COX5A: variants seen among roughly 807,000 people sequenced by gnomAD.
COX5A encodes cytochrome c oxidase subunit 5A, mitochondrial.
COX5A carries 6 observed loss-of-function variants against 16.1 expected under a neutral mutation model. The ratio of observed to expected loss-of-function variants is 0.37; its 90% confidence interval spans 0.20 to 0.73. The LOEUF is 0.73. Among genes scored for constraint, COX5A ranks in the 30% least tolerant of loss-of-function variants. The probability of loss-of-function intolerance (pLI) is 0.50; values close to 1 mark genes in which losing one functional copy is unlikely to be tolerated. For missense variants in COX5A, 159 were observed against 194.9 expected, an observed-to-expected ratio of 0.82 and a Z score of 1.10; for synonymous variants, 73 against 73.8, an observed-to-expected ratio of 0.99 and a Z score of 0.06.
chr15:74,921,345 T>C (rs902918337), intron 4 of COX5A, among the ~76,000 whole-genome samples: 1 of 142,874 alleles, frequency 7.0e-6, no homozygotes, highest in African/African-American at 2.6e-5. Context: ...AAAACGGAGC[T>C]TGCAGTGAGC....
chr15:74,936,495 C>G (rs1050649254), intron 1 of COX5A, among the ~76,000 whole-genome samples: 1 of 151,976 alleles, frequency 6.6e-6, no homozygotes, highest in African/African-American at 2.4e-5. Context: ...CAAGCCCAGC[C>G]TGGGCAACAT....
intron 1 of COX5A, among the ~76,000 whole-genome samples, chr15:74,932,539 T>C (rs2141274012): frequency 6.6e-6 from 1 of 152,170 alleles, no homozygotes; most frequent in Middle Eastern, 3.4e-3. Flanking sequence ...ACATTAGTAA[T>C]ATCCTATATA....
chr15:74,933,640 A>T (rs2141274443), intron 1 of COX5A, among the ~76,000 whole-genome samples: 1 of 152,340 alleles, frequency 6.6e-6, no homozygotes, highest in East Asian at 1.9e-4. Context: ...AAGTGCAAGT[A>T]TAAAATGATA....
At chr15:74,937,112 T>TGGAC (rs2065394453) in intron 1 of COX5A, among the ~76,000 whole-genome samples, 1 of 152,030 alleles carries the variant, frequency 6.6e-6, no homozygotes, top group African/African-American at 2.4e-5. Flanking sequence ...TCTATGGTGG[T>TGGAC]GGACTCAAAA....
intron 1 of COX5A, among the ~76,000 whole-genome samples, chr15:74,932,936 T>G (rs1302725040): frequency 6.6e-6 from 1 of 151,702 alleles, no homozygotes; most frequent in Non-Finnish European, 1.5e-5. Flanking sequence ...GACCTCATGA[T>G]CTGCCTGCCT....
At chr15:74,931,337 C>T (rs1023881276) in intron 1 of COX5A, among the ~76,000 whole-genome samples, 10 of 151,794 alleles carry the variant, frequency 6.6e-5, no homozygotes, top group Admixed American at 3.9e-4. Context: ...TCCGTCTCTA[C>T]TAAAAATACA....
intron 4 of COX5A, 142 bp downstream of exon 4, chr15:74,923,506 T>C: frequency 1.9e-6 from 1 of 528,956 alleles, no homozygotes; most frequent in South Asian, 3.0e-5. Flanking sequence ...TTACCATTAC[T>C]GGTATTCTCA....
intron 1 of COX5A, among the ~76,000 whole-genome samples, chr15:74,935,217 C>T (rs2065383701): frequency 6.6e-6 from 1 of 151,948 alleles, no homozygotes; most frequent in Admixed American, 6.6e-5. Flanking sequence ...ATGGCTTGAG[C>T]CCAGGAGGTT....
intron 3 of COX5A, among the ~76,000 whole-genome samples, chr15:74,924,323 G>A (rs2065334167): frequency 6.6e-6 from 1 of 152,030 alleles, no homozygotes; most frequent in Admixed American, 6.6e-5. Context: ...TGGATCACAA[G>A]GTCAGGAGTT....
At chr15:74,927,491 T>A (rs1445421189) in intron 2 of COX5A, among the ~76,000 whole-genome samples, 1 of 152,028 alleles carries the variant, frequency 6.6e-6, no homozygotes. Context: ...TCTTTAACTC[T>A]TAGTACAATG....
At chr15:74,926,711 C>T in intron 3 of COX5A, 55 bp downstream of exon 3, 1 of 1,549,278 alleles carries the variant, frequency 6.5e-7, no homozygotes, top group East Asian at 2.3e-5. Context: ...ATTCTGATAC[C>T]TCAGCAATAG....
chr15:74,930,458 A>C (rs1306134996), intron 1 of COX5A, among the ~76,000 whole-genome samples: 10 of 107,834 alleles, frequency 9.3e-5, no homozygotes, highest in Non-Finnish European at 1.5e-4. Flanking sequence ...AACAAAAAAA[A>C]CCAAAAAAGC....
intron 1 of COX5A, among the ~76,000 whole-genome samples, chr15:74,935,010 C>T (rs1298554729): frequency 6.6e-6 from 1 of 152,184 alleles, no homozygotes; most frequent in African/African-American, 2.4e-5. Flanking sequence ...AATAAAAGGG[C>T]TCATTGATCC....
intron 1 of COX5A, among the ~76,000 whole-genome samples, chr15:74,931,607 G>A (rs146771513): frequency 0.012 from 1,665 of 142,264 alleles, 27 homozygotes; most frequent in Middle Eastern, 0.036. Context: ...AGGCTGAAAT[G>A]CAGTGGAACA....
At chr15:74,930,444 C>A (rs1354877988) in intron 1 of COX5A, among the ~76,000 whole-genome samples, 7 of 132,868 alleles carry the variant, frequency 5.3e-5, no homozygotes, top group Admixed American at 7.9e-5. Flanking sequence ...CAATAAACAA[C>A]AACAACAAAA....
intron 1 of COX5A, among the ~76,000 whole-genome samples, chr15:74,936,015 G>A (rs2065388318): frequency 6.6e-6 from 1 of 152,064 alleles, no homozygotes; most frequent in African/African-American, 2.4e-5. Context: ...TTTCGGCCAG[G>A]TGTGGTGTCT....
intron 1 of COX5A, among the ~76,000 whole-genome samples, chr15:74,931,835 C>T (rs983123107): frequency 3.3e-5 from 5 of 151,978 alleles, no homozygotes; most frequent in Non-Finnish European, 5.9e-5. Flanking sequence ...ATTACAGACG[C>T]GAGCCACTGC....
At position 74,938,020 on chromosome 15, in the gene COX5A, C is replaced by T. The variant is rs1201698504; in HGVS notation, c.-6G>A. ...CGGAGAGCGGCGCCCAGCATGACGGCGATGGCGGCGCGCGGGCTGAGGACA... is the reference window on the plus strand; with the variant it reads ...CGGAGAGCGGCGCCCAGCATGACGGTGATGGCGGCGCGCGGGCTGAGGACA... On this transcript the variant is annotated 5_prime_UTR_variant, in exon 1 of 5. Transcript: ENST00000322347. The T allele has an allele frequency of 7.3e-6, 9 of 1,230,272 alleles. No individual in the cohort carries two copies. Among genetic ancestry groups the T allele is most frequent in the Non-Finnish European group, 9.1e-6 (9 of 986,976 alleles). The allele number at this position is 1,230,272 out of a possible 1,614,324, so 76.2% of individuals were successfully genotyped here. A position where few individuals can be genotyped will look rare whatever the true frequency, so the allele number is the denominator to read the frequency against.
chr15:74,937,016 G>A (rs1028889226), intron 1 of COX5A, among the ~76,000 whole-genome samples: 4 of 152,100 alleles, frequency 2.6e-5, no homozygotes, highest in African/African-American at 9.7e-5. Flanking sequence ...AGTTGCCAGT[G>A]ATGCAGGTTC....
Sources: allele counts gnomAD v4.1 joint callset (sites outside exome capture counted in the v4.1 genomes callset), GRCh38; gene constraint gnomAD v4.1.1; transcripts MANE v1.5; gene names NCBI Gene and HGNC (gene_info 2026-07-23, HGNC 2026-07-21).